Variants in ADAM32 observed in about 807,000 individuals in gnomAD.
ADAM32 encodes disintegrin and metalloproteinase domain-containing protein 32.
ADAM32 carries 89 observed loss-of-function variants against 114.9 expected under a neutral mutation model. The observed-to-expected ratio is 0.77, with a 90% CI of 0.65 to 0.92. The LOEUF is 0.92. Among genes scored for constraint, ADAM32 ranks in the 40% least tolerant of loss-of-function variants. The pLI is 0.00. For synonymous variants in ADAM32, 285 were observed against 307.5 expected, an observed-to-expected ratio of 0.93 and a Z score of 0.77; for missense variants, 870 against 932.8, an observed-to-expected ratio of 0.93 and a Z score of 0.88.
chr8:39,217,537 T>C (rs866670654), intron 12 of ADAM32, among the ~76,000 whole-genome samples: 2 of 152,116 alleles, frequency 1.3e-5, no homozygotes, highest in African/African-American at 2.4e-5. Flanking sequence ...CTTGTAGATA[T>C]GCTTTATTCT....
At chr8:39,253,903 TA>T (rs1055125841) in intron 17 of ADAM32, among the ~76,000 whole-genome samples, 3 of 150,858 alleles carry the variant, frequency 2.0e-5, no homozygotes, top group African/African-American at 4.9e-5. Flanking sequence ...AAATAGAAAA[TA>T]AAAAAATTAT....
chr8:39,152,027 G>T (rs539709099), intron 6 of ADAM32, among the ~76,000 whole-genome samples: 1 of 151,868 alleles, frequency 6.6e-6, no homozygotes, highest in South Asian at 2.1e-4. Flanking sequence ...CTTTATTTTT[G>T]TTCTTATTTT....
intron 2 of ADAM32, among the ~76,000 whole-genome samples, chr8:39,118,677 A>T (rs1840474964): frequency 6.6e-6 from 1 of 152,084 alleles, no homozygotes; most frequent in African/African-American, 2.4e-5. Flanking sequence ...AGGAGATTTA[A>T]AAAAAAGAAA....
In ADAM32 at chr8:39,233,844, C is replaced by A. The variant is rs1013946507; in HGVS notation, c.1635-55C>A. ...TGCATCACAGAAAGCAAATCCAAAG[C>A]ATTCCTAATAAATTCCTAATGTATA... On this transcript the variant is annotated intron_variant, in intron 15 of 24. Transcript: ENST00000379907. The A allele has an allele frequency of 1.4e-5, 16 of 1,151,754 alleles. No individual in the cohort carries two copies. The African/African-American group carries it at 2.4e-4, about 17-fold the overall frequency. The allele number at this position is 1,151,754 out of a possible 1,614,324, so 71.3% of individuals were successfully genotyped here.
chr8:39,146,337 A>G (rs1026275406), intron 3 of ADAM32, among the ~76,000 whole-genome samples: 9 of 152,176 alleles, frequency 5.9e-5, no homozygotes, highest in African/African-American at 1.9e-4. Context: ...ATATATGTGC[A>G]TAGTAATAAA....
chr8:39,183,000 C>T (rs1585479458), intron 10 of ADAM32, among the ~76,000 whole-genome samples: 1 of 152,296 alleles, frequency 6.6e-6, no homozygotes, highest in African/African-American at 2.4e-5. Flanking sequence ...TGGCTGTGCT[C>T]CGTGGTCTAG....
intron 5 of ADAM32, among the ~76,000 whole-genome samples, chr8:39,150,748 G>A (rs1010146742): frequency 6.6e-6 from 1 of 152,072 alleles, no homozygotes; most frequent in Non-Finnish European, 1.5e-5. Flanking sequence ...GCTGCCACCT[G>A]TATTCACAGA....
At chr8:39,225,367 G>T (rs1246737369) in intron 14 of ADAM32, among the ~76,000 whole-genome samples, 1 of 152,170 alleles carries the variant, frequency 6.6e-6, no homozygotes, top group Non-Finnish European at 1.5e-5. Context: ...TTATGTGGAA[G>T]CAGGGCTGTC....
At chr8:39,250,736 T>C (rs1188329366) in intron 17 of ADAM32, among the ~76,000 whole-genome samples, 1 of 151,984 alleles carries the variant, frequency 6.6e-6, no homozygotes, top group Non-Finnish European at 1.5e-5. Flanking sequence ...TTTTAAACTC[T>C]GGTCATCCTA....
chr8:39,247,870 A>G (rs1811030482), intron 17 of ADAM32, among the ~76,000 whole-genome samples: 1 of 151,126 alleles, frequency 6.6e-6, no homozygotes, highest in Non-Finnish European at 1.5e-5. Flanking sequence ...AACTTTTTGA[A>G]GGGTGATAAG....
intron 3 of ADAM32, among the ~76,000 whole-genome samples, chr8:39,137,640 G>A (rs1202105993): frequency 1.3e-5 from 2 of 151,806 alleles, no homozygotes; most frequent in East Asian, 3.9e-4. Context: ...GCATGGTGGC[G>A]TGCGCCTGTA....
intron 19 of ADAM32, among the ~76,000 whole-genome samples, chr8:39,268,011 A>G (rs1812476161): frequency 6.6e-6 from 1 of 152,240 alleles, no homozygotes; most frequent in African/African-American, 2.4e-5. Flanking sequence ...AGCAAACTTA[A>G]GCAAACTAAA....
rs1804742801 is a variant in ADAM32 at position 39,165,069 on chromosome 8, T to C, written c.706T>C (p.Leu236=). Reference sequence around the variant, plus strand: ...TAAAGTTACTATTGTGCTGTCATCATTGGAGTTATGGTCAGATGAAAATAA... The same window carrying C: ...TAAAGTTACTATTGTGCTGTCATCACTGGAGTTATGGTCAGATGAAAATAA... ...QFKVTIVLSS[L]ELWSDENKIS... The change falls in exon 9 of 25, where the codon TTG becomes CTG. Residue 236 remains leucine (L), a synonymous_variant. Coordinates refer to ENST00000379907, the MANE Select transcript of ADAM32 (RefSeq NM_145004.7). The C allele has an allele frequency of 6.2e-7, 1 of 1,609,302 alleles. No individual in the cohort carries two copies. Among genetic ancestry groups the C allele is most frequent in the Non-Finnish European group, 8.5e-7 (1 of 1,177,882 alleles).
intron 6 of ADAM32, chr8:39,157,411 T>G (rs986744959): frequency 8.8e-6 from 2 of 228,134 alleles, no homozygotes; most frequent in Non-Finnish European, 1.7e-5. Context: ...TAGGAACTCT[T>G]CTTATTTATG....
intron 4 of ADAM32, among the ~76,000 whole-genome samples, chr8:39,147,464 T>C (rs1803573165): frequency 2.0e-5 from 3 of 151,904 alleles, no homozygotes; most frequent in African/African-American, 4.8e-5. Context: ...ATATTTTGTT[T>C]GTAAGAATAT....
chr8:39,263,852 G>A (rs538231372), intron 19 of ADAM32, among the ~76,000 whole-genome samples: 2 of 152,174 alleles, frequency 1.3e-5, no homozygotes, highest in Admixed American at 1.3e-4. Context: ...ATCCATCCAT[G>A]TTATTATGTG....
chr8:39,249,042 A>G (rs902159706), intron 17 of ADAM32, among the ~76,000 whole-genome samples: 1 of 151,672 alleles, frequency 6.6e-6, no homozygotes, highest in Admixed American at 6.6e-5. Flanking sequence ...AGGTGGGACT[A>G]CAGGGGTCCT....
chr8:39,246,947 A>G (rs1363954958), intron 17 of ADAM32, among the ~76,000 whole-genome samples: 2 of 152,170 alleles, frequency 1.3e-5, no homozygotes, highest in African/African-American at 2.4e-5. Context: ...CATTGAAATC[A>G]TATAGTATGT....
At chr8:39,142,130 C>T (rs1320812980) in intron 3 of ADAM32, among the ~76,000 whole-genome samples, 3 of 152,120 alleles carry the variant, frequency 2.0e-5, no homozygotes, top group South Asian at 2.1e-4. Flanking sequence ...ATACAGCACA[C>T]CGATGGGTCT....
Sources: allele counts gnomAD v4.1 joint callset (sites outside exome capture counted in the v4.1 genomes callset), GRCh38; gene constraint gnomAD v4.1.1; transcripts MANE v1.5; gene names NCBI Gene and HGNC (gene_info 2026-07-23, HGNC 2026-07-21).